HPS3: variants seen among roughly 807,000 people sequenced by gnomAD.
The protein encoded by HPS3 is BLOC-2 complex member HPS3.
In HPS3, 79 loss-of-function variants were observed where a neutral mutation model predicts 110.9. The ratio of observed to expected loss-of-function variants is 0.71; its 90% confidence interval spans 0.59 to 0.86. HPS3 has a LOEUF of 0.86. Ranked by LOEUF, HPS3 falls within the 40% of genes least tolerant of loss-of-function variation. The pLI is 0.00. For missense variants in HPS3, 1,197 were observed against 1,206.2 expected (o/e 0.99, Z 0.11); for synonymous variants, 428 against 451.0 (o/e 0.95, Z 0.65).
chr3:149,133,325 G>T (rs909114551), intron 1 of HPS3, among the ~76,000 whole-genome samples: 1 of 151,722 alleles, frequency 6.6e-6, no homozygotes, highest in African/African-American at 2.4e-5. Flanking sequence ...TTGAGACAGA[G>T]CTTCACTCTT....
At chr3:149,159,449 G>C (rs1489684493) in intron 10 of HPS3, among the ~76,000 whole-genome samples, 3 of 152,126 alleles carry the variant, frequency 2.0e-5, no homozygotes, top group Non-Finnish European at 4.4e-5. Flanking sequence ...TGTAGTTCCA[G>C]CTACTCAGGA....
intron 2 of HPS3, 58 bp from the exon 3 acceptor site, chr3:149,140,959 G>C: frequency 2.1e-6 from 3 of 1,434,976 alleles, no homozygotes; most frequent in Middle Eastern, 1.7e-4. Context: ...ATTGGTGAGA[G>C]GATGTTGTAA....
chr3:149,134,794 C>G (rs1721987500), intron 1 of HPS3, among the ~76,000 whole-genome samples: 1 of 152,140 alleles, frequency 6.6e-6, no homozygotes, highest in African/African-American at 2.4e-5. Context: ...ACAGCAGGTT[C>G]AAGAGTCATG....
chr3:149,161,655 G>A (rs1723867458), intron 11 of HPS3, among the ~76,000 whole-genome samples: 1 of 151,830 alleles, frequency 6.6e-6, no homozygotes, highest in African/African-American at 2.4e-5. Flanking sequence ...GATTACAGGT[G>A]TGTACCACCA....
chr3:149,167,218 A>G lies in HPS3; in HGVS notation c.2774A>G (p.His925Arg). The change falls in exon 15 of 17, where the codon CAT (histidine) becomes CGT (arginine). Residue 925 changes from histidine to arginine, a missense_variant. Coordinates refer to ENST00000296051, the MANE Select transcript of HPS3 (RefSeq NM_032383.5). ...GAGGCAGTCATTCCATATGCTAATCATGAACTGAAAGAAGAGAACCGGGTA... is the reference window on the plus strand; with the variant it reads ...GAGGCAGTCATTCCATATGCTAATCGTGAACTGAAAGAAGAGAACCGGGTA... ...CPEAVIPYAN[H>R]ELKEENRTLW... The G allele has an allele frequency of 6.2e-7, 1 of 1,613,480 alleles. No individual in the cohort carries two copies. Among genetic ancestry groups the G allele is most frequent in the South Asian group, 1.1e-5 (1 of 91,068 alleles).
rs180754391 is a variant in HPS3 at position 149,145,389 on chromosome 3, G to A, written c.1006G>A (p.Glu336Lys). 6.2e-7 allele frequency: 1 copy of A among 1,613,846 alleles called. No individual in the cohort carries two copies. The highest frequency in any genetic ancestry group is 2.2e-5 in the East Asian group (1 of 44,876). ...ATCTGATGGAAAAAATTTGTCTCAG[G>A]AAAAAGAATTGCTGAGTCTCTTTTG... ...LTSDGKNLSQ[E>K]KELLSLFCFF... The change falls in exon 5 of 17, where the codon GAA becomes AAA. Residue 336 changes from glutamate to lysine, a missense_variant. Coordinates refer to ENST00000296051, the MANE Select transcript of HPS3 (RefSeq NM_032383.5).
intron 5 of HPS3, among the ~76,000 whole-genome samples, chr3:149,149,654 A>C (rs576896515): frequency 6.7e-6 from 1 of 148,186 alleles, no homozygotes; most frequent in Non-Finnish European, 1.5e-5. Flanking sequence ...CTTTTTTTTT[A>C]TTTTAAAGAG....
At position 149,129,699 on chromosome 3, in the gene HPS3, C is replaced by G. The variant is rs774815815; in HGVS notation, c.-25C>G. The stretch of plus-strand genomic sequence containing the variant: ...CCGGGCGCCCTGCAGGGCGGGCAGG[C>G]TGTGCCATCCCGCCGGACGTCGGGA... On this transcript the variant is annotated 5_prime_UTR_variant, in exon 1 of 17. Coordinates refer to ENST00000296051, the MANE Select transcript of HPS3 (RefSeq NM_032383.5). The G allele has an allele frequency of 9.7e-6, 15 of 1,543,804 alleles. No homozygotes were observed. The highest frequency in any genetic ancestry group is 1.3e-5 in the Non-Finnish European group (15 of 1,146,512).
At chr3:149,154,683 TC>T (rs1394328209) in intron 7 of HPS3, among the ~76,000 whole-genome samples, 3 of 152,242 alleles carry the variant, frequency 2.0e-5, no homozygotes, top group African/African-American at 7.2e-5. Flanking sequence ...GTTTTATGTG[TC>T]TTCATCATAT....
At chr3:149,147,741 C>T (rs2689224) in intron 5 of HPS3, among the ~76,000 whole-genome samples, 73,855 of 151,954 alleles carry the variant, frequency 0.49, 18,316 homozygotes, top group African/African-American at 0.58. Context: ...TGCCTCCAGA[C>T]AGGACATTTT....
chr3:149,154,363 T>G (rs1723311274), intron 7 of HPS3, among the ~76,000 whole-genome samples: 1 of 152,214 alleles, frequency 6.6e-6, no homozygotes, highest in South Asian at 2.1e-4. Flanking sequence ...TTTTTACTTT[T>G]TCAAATTGTT....
chr3:149,168,956 A>C (rs1038719712), intron 16 of HPS3, among the ~76,000 whole-genome samples: 2 of 152,050 alleles, frequency 1.3e-5, no homozygotes, highest in Non-Finnish European at 2.9e-5. Flanking sequence ...ATCCACATCC[A>C]CACACTCCAC....
intron 4 of HPS3, among the ~76,000 whole-genome samples, chr3:149,142,005 C>G (rs1234333834): frequency 1.3e-5 from 2 of 151,968 alleles, no homozygotes; most frequent in Non-Finnish European, 2.9e-5. Context: ...AATGCCCCAC[C>G]ACGCCCAGCT....
At chr3:149,167,758 T>C (rs1220667455) in intron 15 of HPS3, 135 bp from the exon 16 acceptor site, 5 of 693,154 alleles carry the variant, frequency 7.2e-6, no homozygotes, top group Non-Finnish European at 1.3e-5. Context: ...TAACTTATGT[T>C]ATAACAAAGT....
chr3:149,169,894 G>C (rs1182914090), intron 16 of HPS3, among the ~76,000 whole-genome samples: 2 of 152,140 alleles, frequency 1.3e-5, no homozygotes, highest in Non-Finnish European at 2.9e-5. Flanking sequence ...ATATTTTCTA[G>C]ACATGCTGGA....
In HPS3 at chr3:149,173,509, G is replaced by A; in HGVS notation, c.*1287G>A. Reference sequence around the variant, plus strand: ...TTTATTACCTAGTGTACAAGTGTCAGTCATGTATCATTATATAGTCTGTTG... The same window carrying A: ...TTTATTACCTAGTGTACAAGTGTCAATCATGTATCATTATATAGTCTGTTG... On this transcript the variant is annotated 3_prime_UTR_variant, in exon 17 of 17. Coordinates refer to ENST00000296051, the MANE Select transcript of HPS3 (RefSeq NM_032383.5). The A allele has an allele frequency of 2.2e-6, 1 of 445,320 alleles. No homozygotes were observed. 27.6% of individuals were successfully genotyped at this position (445,320 alleles called of 1,614,324 possible).
intron 15 of HPS3, 59 bp from the exon 16 acceptor site, chr3:149,167,834 T>A (rs1266118172): frequency 1.0e-6 from 1 of 1,004,742 alleles, no homozygotes; most frequent in Non-Finnish European, 1.6e-6. Flanking sequence ...CTTATTCTCC[T>A]TTGAAATCTG....
Position 149,129,755 on chromosome 3 carries a change from G to T in HPS3, c.32G>T (p.Gly11Val). The part of the protein sequence containing the change: MVQLYNLHPF[G>V]SQQVVPCKLE... ...CAGCTGTACAACCTGCACCCGTTCGGGTCGCAGCAGGTGGTGCCCTGCAAG... is the reference window on the plus strand; with the variant it reads ...CAGCTGTACAACCTGCACCCGTTCGTGTCGCAGCAGGTGGTGCCCTGCAAG... Residue 11 changes from glycine to valine, a missense_variant, in exon 1 of 17, where the codon GGG becomes GTG. Physicochemically the swap from Gly to Val is moderately radical, Grantham distance 109. Coordinates refer to ENST00000296051, the MANE Select transcript of HPS3 (RefSeq NM_032383.5). 6.2e-7 allele frequency: 1 copy of T among 1,606,420 alleles called. No homozygotes were observed. Among genetic ancestry groups the T allele is most frequent in the Non-Finnish European group, 8.5e-7 (1 of 1,178,448 alleles).
rs201284039 is a variant in HPS3 at position 149,133,979 on chromosome 3, G to GT, written c.217+4048dup. Among the ~76,000 whole-genome samples the GT allele has an allele frequency of 5.3e-3, 774 of 147,232 alleles. 9 individuals carry two copies. Among genetic ancestry groups the GT allele is most frequent in the African/African-American group, 0.018 (702 of 39,324 alleles). ...TCCAATATCTCTGGGATATGCCTGT[G>GT]TTTTTTTTTAAAAAAAATGAAAAGC... On this transcript the variant is annotated intron_variant, in intron 1 of 16. Transcript: ENST00000296051.
Sources: gnomAD v4.1 joint callset for allele counts (sites outside exome capture counted in the v4.1 genomes callset) on GRCh38, gnomAD v4.1.1 for gene constraint, MANE v1.5 for transcripts, NCBI Gene and HGNC (gene_info 2026-07-23, HGNC 2026-07-21) for gene names.